The following HTRA1 variants were observed in gnomAD, a reference collection of about 807,000 sequenced individuals.
The protein encoded by HTRA1 is HtrA serine peptidase 1.
In HTRA1, 26 loss-of-function variants were observed where a neutral mutation model predicts 49.7. The ratio of observed to expected loss-of-function variants is 0.52; its 90% CI spans 0.38 to 0.73. The LOEUF is 0.73. HTRA1 is among the 30% of genes least tolerant of loss of function. The pLI is 0.00. For synonymous variants in HTRA1, 291 were observed against 286.9 expected, an observed-to-expected ratio of 1.01 and a Z score of -0.14; for missense variants, 561 against 667.2, an observed-to-expected ratio of 0.84 and a Z score of 1.75.
chr10:122,493,452 GC>G (rs1172152078), intron 3 of HTRA1, among the ~76,000 whole-genome samples: 2 of 152,202 alleles, frequency 1.3e-5, no homozygotes, highest in African/African-American at 4.8e-5. Context: ...CACTGGCTGT[GC>G]GCAGCATATG....
At chr10:122,467,359 C>A (rs1048618831) in intron 1 of HTRA1, among the ~76,000 whole-genome samples, 4 of 152,062 alleles carry the variant, frequency 2.6e-5, no homozygotes, top group Admixed American at 6.6e-5. Flanking sequence ...CTCGGAGCCT[C>A]GGCAGTGAGG....
chr10:122,483,312 G>A (rs1168865156), intron 1 of HTRA1, among the ~76,000 whole-genome samples: 4 of 151,948 alleles, frequency 2.6e-5, no homozygotes, highest in African/African-American at 9.7e-5. Flanking sequence ...TCTTGGGATT[G>A]AATCTTGGCA....
intron 1 of HTRA1, among the ~76,000 whole-genome samples, chr10:122,472,107 T>C (rs1361679273): frequency 1.3e-5 from 2 of 152,182 alleles, no homozygotes; most frequent in African/African-American, 4.8e-5. Context: ...AGGACTGAGA[T>C]GCTTTCATGT....
At chr10:122,479,983 C>T (rs2097490272) in intron 1 of HTRA1, among the ~76,000 whole-genome samples, 1 of 152,130 alleles carries the variant, frequency 6.6e-6, no homozygotes, top group Non-Finnish European at 1.5e-5. Flanking sequence ...GGGGACCCAG[C>T]TCTGGGCTGA....
Position 122,464,344 on chromosome 10 carries a change from G to T in HTRA1, c.472+2220G>T, listed in dbSNP as rs115242013. Among the ~76,000 whole-genome samples the T allele has an allele frequency of 6.6e-6, 1 of 152,156 alleles. No homozygotes were observed. Among genetic ancestry groups the T allele is most frequent in the Non-Finnish European group, 1.5e-5 (1 of 68,034 alleles). The stretch of plus-strand genomic sequence containing the variant: ...GCCATCGGGCTCACAGCGGGCCCCC[G>T]GTGTACCAGTGAGGGGACAGCCACA... On this transcript the variant is annotated intron_variant, in intron 1 of 8. Transcript: ENST00000368984. The surrounding 1 kb of genome is among the most constrained non-coding windows in gnomAD (Gnocchi z 4.8).
rs908071563 is a variant in HTRA1, at chr10:122,464,374, G to A, written c.472+2250G>A. On this transcript the variant is annotated intron_variant, in intron 1 of 8. Transcript: ENST00000368984. The surrounding 1 kb of genome is among the most constrained non-coding windows in gnomAD (Gnocchi z 4.8). ...ACCAGTGAGGGGACAGCCACAGAGG[G>A]ATAAGCATGGTGGCTTTGAAAGGAG... Among the ~76,000 whole-genome samples the A allele has an allele frequency of 3.9e-5, 6 of 152,196 alleles. No individual in the cohort carries two copies. Among genetic ancestry groups the A allele is most frequent in the Non-Finnish European group, 8.8e-5 (6 of 68,048 alleles).
chr10:122,485,385 C>A (rs149460083), intron 1 of HTRA1, among the ~76,000 whole-genome samples: 2 of 152,332 alleles, frequency 1.3e-5, no homozygotes, highest in African/African-American at 4.8e-5. Context: ...GTTTCCTCAT[C>A]TGCAGAATTT....
In HTRA1 at chr10:122,510,132, G is replaced by A. The variant is rs773859508; in HGVS notation, c.1157G>A (p.Arg386Gln). 3 of 1,614,048 alleles carry A rather than the reference G, an allele frequency of 1.9e-6. No individual in the cohort carries two copies. The highest frequency in any genetic ancestry group is 2.2e-5 in the South Asian group (2 of 91,080). ...ACCAAGAAGAAGTATATTGGTATCC[G>A]AATGATGTCACTCACGTCCAGGTGG... ...AITKKKYIGI[R>Q]MMSLTSSKAK... Residue 386 changes from arginine to glutamine, a missense_variant, in exon 7 of 9, where the codon CGA (arginine) becomes CAA (glutamine). Transcript: ENST00000368984.
intron 1 of HTRA1, 129 bp from the exon 2 acceptor site, chr10:122,488,772 GA>G (rs1367068276): frequency 6.2e-6 from 5 of 804,012 alleles, no homozygotes; most frequent in Non-Finnish European, 1.1e-5. Flanking sequence ...CCAGGTGGGG[GA>G]ATTGCGCTCA....
At chr10:122,475,840 G>A (rs1309347434) in intron 1 of HTRA1, among the ~76,000 whole-genome samples, 1 of 152,226 alleles carries the variant, frequency 6.6e-6, no homozygotes, top group Non-Finnish European at 1.5e-5. Context: ...GCAAGGTCTG[G>A]CTTCTGTTTC....
intron 8 of HTRA1, among the ~76,000 whole-genome samples, chr10:122,513,286 A>G (rs1337794951): frequency 6.6e-6 from 1 of 152,192 alleles, no homozygotes; most frequent in Non-Finnish European, 1.5e-5. Flanking sequence ...CCCCTATAGG[A>G]ACTGCATTCT....
At chr10:122,510,435 G>A (rs1305138644) in intron 7 of HTRA1, among the ~76,000 whole-genome samples, 1 of 152,316 alleles carries the variant, frequency 6.6e-6, no homozygotes, top group East Asian at 1.9e-4. Context: ...CCTGAACAGT[G>A]TGTGCGTGGT....
At chr10:122,484,979 C>A (rs1030382331) in intron 1 of HTRA1, among the ~76,000 whole-genome samples, 11 of 152,196 alleles carry the variant, frequency 7.2e-5, no homozygotes, top group Non-Finnish European at 1.5e-4. Flanking sequence ...GACAGTTGAC[C>A]CACAGTTGAG....
At position 122,514,423 on chromosome 10, in the gene HTRA1, C is replaced by T; in HGVS notation, c.*64C>T. ...CTCTCCCGTGGATGACGGATGAGGA[C>T]TCTGGGCTGCTGGAATAGGACACTC... On this transcript the variant is annotated 3_prime_UTR_variant, in exon 9 of 9. Coordinates refer to ENST00000368984, the MANE Select transcript of HTRA1 (RefSeq NM_002775.5). The T allele has an allele frequency of 1.3e-6, 2 of 1,518,410 alleles. No individual in the cohort carries two copies. Among genetic ancestry groups the T allele is most frequent in the Non-Finnish European group, 1.8e-6 (2 of 1,093,826 alleles). 94.1% of individuals were successfully genotyped at this position (1,518,410 alleles called of 1,614,324 possible).
rs75591543 is a variant in HTRA1, at chr10:122,506,624, A to T, written c.778-67A>T. 5.2e-4 allele frequency: 737 copies of T among 1,406,082 alleles called. 2 individuals are homozygous for T. In the African/African-American group the frequency reaches 9.3e-3, roughly 18 times the overall value. The allele number at this position is 1,406,082 out of a possible 1,614,324, so 87.1% of individuals were successfully genotyped here. A position where few individuals can be genotyped will look rare whatever the true frequency, so the allele number is the denominator to read the frequency against. On this transcript the variant is annotated intron_variant, in intron 3 of 8. Coordinates refer to ENST00000368984, the MANE Select transcript of HTRA1 (RefSeq NM_002775.5). This position sits in a 1 kb window ranked among gnomAD's most constrained non-coding sequence, Gnocchi z 5.2. ...CACTGTCCCTGCTTGGTTTTCCATGATATCTGTGCCTTTACCTATTTGGTT... is the reference window on the plus strand; with the variant it reads ...CACTGTCCCTGCTTGGTTTTCCATGTTATCTGTGCCTTTACCTATTTGGTT...
chr10:122,495,246 C>A (rs551644673), intron 3 of HTRA1, among the ~76,000 whole-genome samples: 190 of 152,314 alleles, frequency 1.2e-3, no homozygotes, highest in Admixed American at 3.5e-3. Context: ...ATTTTGGATT[C>A]TTTCCCCCAA....
intron 1 of HTRA1, among the ~76,000 whole-genome samples, chr10:122,479,794 C>T (rs4391763): frequency 2.3e-5 from 3 of 131,096 alleles, no homozygotes; most frequent in South Asian, 2.4e-4. Context: ...GAGGAGATGG[C>T]GATGGCTGCG....
chr10:122,466,517 A>G (rs2133908204), intron 1 of HTRA1, among the ~76,000 whole-genome samples: 1 of 152,244 alleles, frequency 6.6e-6, no homozygotes, highest in Admixed American at 6.5e-5. Flanking sequence ...CAAACAAGCA[A>G]TCATTGCTAG....
chr10:122,510,021 G>T, intron 6 of HTRA1, 75 bp from the exon 7 acceptor site: 1 of 1,305,148 alleles, frequency 7.7e-7, no homozygotes, highest in Admixed American at 1.7e-5. Flanking sequence ...GGGGGATTGG[G>T]CCCCCGGCCC....
Sources: gnomAD v4.1 joint callset for allele counts (sites outside exome capture counted in the v4.1 genomes callset) on GRCh38, gnomAD v4.1.1 for gene constraint, Gnocchi (gnomAD v3.1) non-coding constraint, MANE v1.5 for transcripts, NCBI Gene and HGNC (gene_info 2026-07-23, HGNC 2026-07-21) for gene names.